Variants in MARCHF6 observed in about 807,000 individuals in gnomAD.
MARCHF6 encodes membrane associated ring-CH-type finger 6, also known as E3 ubiquitin-protein ligase MARCHF6.
Under a neutral mutation model 133.7 loss-of-function variants are expected in MARCHF6, and 31 were observed. The observed-to-expected ratio is 0.23, with a 90% CI of 0.17 to 0.31. The LOEUF (loss-of-function observed/expected upper bound fraction) is 0.31. Among genes scored for constraint, MARCHF6 ranks in the 10% least tolerant of loss-of-function variants. MARCHF6 has a pLI of 1.00. For synonymous variants in MARCHF6, 395 were observed against 402.5 expected (o/e 0.98, Z 0.22); for missense variants, 723 against 1,121.6 (o/e 0.64, Z 5.08).
chr5:10,431,315 T>C (rs1406872996), intron 25 of MARCHF6, among the ~76,000 whole-genome samples: 1 of 152,172 alleles, frequency 6.6e-6, no homozygotes, highest in East Asian at 1.9e-4. Flanking sequence ...GCAAACAGAA[T>C]GACAAGCAAG....
At chr5:10,415,724 T>C in intron 21 of MARCHF6, 55 bp downstream of exon 21, 7 of 1,448,832 alleles carry the variant, frequency 4.8e-6, no homozygotes, top group Non-Finnish European at 6.5e-6. Context: ...TGAATATTTT[T>C]CCAGTCATCT....
intron 1 of MARCHF6, among the ~76,000 whole-genome samples, chr5:10,365,394 G>A (rs1385915660): frequency 3.3e-5 from 5 of 151,232 alleles, no homozygotes; most frequent in Admixed American, 6.6e-5. Context: ...TCCGCCTCCC[G>A]GGTTCAAGCG....
intron 21 of MARCHF6, 45 bp downstream of exon 21, chr5:10,415,714 T>A (rs923557854): frequency 2.0e-6 from 3 of 1,466,442 alleles, no homozygotes; most frequent in African/African-American, 2.8e-5. Flanking sequence ...TTAGGAATAG[T>A]GAATATTTTT....
chr5:10,366,970 A>G (rs377742903), intron 1 of MARCHF6, among the ~76,000 whole-genome samples: 1 of 152,158 alleles, frequency 6.6e-6, no homozygotes, highest in African/African-American at 2.4e-5. Flanking sequence ...ACAGTTACAA[A>G]TCATGTTGAT....
chr5:10,386,732 C>T (rs1737503232), intron 4 of MARCHF6, among the ~76,000 whole-genome samples: 1 of 152,074 alleles, frequency 6.6e-6, no homozygotes, highest in South Asian at 2.1e-4. Flanking sequence ...AACATCTAAG[C>T]TCATTCAATA....
chr5:10,402,061 C>T lies in MARCHF6; in HGVS notation c.975C>T (p.Val325=). The change falls in exon 12 of 26, where the codon GTC becomes GTT. Residue 325 remains valine, a splice_region_variant and synonymous_variant. Transcript: ENST00000274140. The part of the protein sequence containing the change: ...SLVGLGFEEH[V]QASHFEGLIT... ...ATTTACTTTTTTCTTATTTCCAGGT[C>T]CAAGCATCTCATTTTGAAGGCCTAA... 1 of 1,591,448 alleles carries T rather than the reference C, an allele frequency of 6.3e-7. No homozygotes were observed. Among genetic ancestry groups the T allele is most frequent in the Non-Finnish European group, 8.6e-7 (1 of 1,159,888 alleles).
intron 1 of MARCHF6, among the ~76,000 whole-genome samples, chr5:10,377,312 C>G (rs1381418303): frequency 6.6e-6 from 1 of 152,130 alleles, no homozygotes; most frequent in African/African-American, 2.4e-5. Flanking sequence ...GTCTGCCTAC[C>G]TTGCACTCTT....
intron 24 of MARCHF6, among the ~76,000 whole-genome samples, chr5:10,428,933 G>A (rs531330421): frequency 3.9e-5 from 6 of 152,252 alleles, no homozygotes; most frequent in Non-Finnish European, 8.8e-5. Context: ...CTGTTTAGAT[G>A]CTTTATGTAA....
intron 23 of MARCHF6, among the ~76,000 whole-genome samples, chr5:10,425,303 C>G (rs1440023438): frequency 6.6e-6 from 1 of 152,126 alleles, no homozygotes; most frequent in Non-Finnish European, 1.5e-5. Flanking sequence ...GGCTTCATAT[C>G]CCTTCAGGAT....
rs747237523 is a variant in MARCHF6, at chr5:10,390,322, T to G, written c.408-10T>G. On this transcript the variant is annotated splice_polypyrimidine_tract_variant and intron_variant, in intron 5 of 25. Transcript: ENST00000274140. ...TTTGGAGTAATTATATGTACTTTTT[T>G]TTTTAATAGGGAAAATTTGTTGGCA... The G allele has an allele frequency of 1.2e-6, 2 of 1,611,116 alleles. No homozygotes were observed. The highest frequency in any genetic ancestry group is 1.7e-6 in the Non-Finnish European group (2 of 1,178,916).
chr5:10,360,356 C>T (rs1427080695), intron 1 of MARCHF6, among the ~76,000 whole-genome samples: 4 of 151,878 alleles, frequency 2.6e-5, no homozygotes, highest in African/African-American at 7.3e-5. Flanking sequence ...ATCATATTGG[C>T]TTGAACTCCT....
chr5:10,388,565 G>A (rs1017235548), intron 5 of MARCHF6, among the ~76,000 whole-genome samples: 1 of 152,164 alleles, frequency 6.6e-6, no homozygotes, highest in African/African-American at 2.4e-5. Context: ...GGGCTCAGCT[G>A]AGCTTTTCAT....
At chr5:10,365,344 A>G (rs1385625963) in intron 1 of MARCHF6, among the ~76,000 whole-genome samples, 1 of 152,084 alleles carries the variant, frequency 6.6e-6, no homozygotes, top group East Asian at 1.9e-4. Context: ...CTTGTTGCCC[A>G]GGCTGGAGTA....
chr5:10,411,925 A>G (rs1287192586), intron 19 of MARCHF6, among the ~76,000 whole-genome samples: 9 of 152,232 alleles, frequency 5.9e-5, no homozygotes, highest in Non-Finnish European at 4.4e-5. Context: ...TGAAGGCAAT[A>G]TTGGTTAAGA....
At chr5:10,389,582 T>C (rs1737694339) in intron 5 of MARCHF6, among the ~76,000 whole-genome samples, 1 of 152,170 alleles carries the variant, frequency 6.6e-6, no homozygotes, top group Non-Finnish European at 1.5e-5. Context: ...TTTGTATTTT[T>C]AGTACAGATG....
At chr5:10,372,464 A>AT (rs561479463) in intron 1 of MARCHF6, among the ~76,000 whole-genome samples, 10 of 152,150 alleles carry the variant, frequency 6.6e-5, no homozygotes, top group Non-Finnish European at 1.3e-4. Context: ...TGCTAGGGAG[A>AT]TTTTAAAGAG....
chr5:10,359,239 G>A (rs563125390), intron 1 of MARCHF6, among the ~76,000 whole-genome samples: 17 of 152,328 alleles, frequency 1.1e-4, no homozygotes, highest in African/African-American at 4.1e-4. Flanking sequence ...TGAAGAAAAA[G>A]TCGAATTGCT....
intron 6 of MARCHF6, 67 bp from the exon 7 acceptor site, chr5:10,391,475 A>T: frequency 1.9e-6 from 1 of 527,082 alleles, no homozygotes. Flanking sequence ...AGCAGGAATA[A>T]TGTGATTTGG....
At chr5:10,410,366 C>A in intron 18 of MARCHF6, 90 bp downstream of exon 18, 1 of 1,421,638 alleles carries the variant, frequency 7.0e-7, no homozygotes, top group South Asian at 1.5e-5. Context: ...ATGGCCCACT[C>A]AAGAAAAATT....
Sources: gnomAD v4.1 joint callset for allele counts (sites outside exome capture counted in the v4.1 genomes callset) on GRCh38, gnomAD v4.1.1 for gene constraint, MANE v1.5 for transcripts, NCBI Gene and HGNC (gene_info 2026-07-23, HGNC 2026-07-21) for gene names.